MYH10: variants seen among roughly 807,000 people sequenced by gnomAD.
The protein encoded by MYH10 is myosin heavy chain 10.
A neutral mutation model predicts 257.8 loss-of-function variants in MYH10; 55 were observed. The observed-to-expected ratio is 0.21, with a 90% CI of 0.17 to 0.27. The LOEUF is 0.27. Among genes scored for constraint, MYH10 ranks in the 10% least tolerant of loss-of-function variants. The probability of loss-of-function intolerance (pLI) is 1.00; values close to 1 mark genes in which losing one functional copy is unlikely to be tolerated. For synonymous variants in MYH10, 854 were observed against 921.7 expected, an observed-to-expected ratio of 0.93 and a Z score of 1.33; for missense variants, 1,631 against 2,500.6, an observed-to-expected ratio of 0.65 and a Z score of 7.42.
chr17:8,526,486 G>C (rs983664792), intron 17 of MYH10, among the ~76,000 whole-genome samples: 3 of 152,088 alleles, frequency 2.0e-5, no homozygotes, highest in African/African-American at 7.2e-5. Context: ...GATTGCTGGG[G>C]GGCATTTAAA....
rs539908635 is a variant in MYH10, at chr17:8,519,268, T to TC, written c.2274-319_2274-318insG. On this transcript the variant is annotated intron_variant, in intron 19 of 42. Transcript: ENST00000360416. ...ATGTCCCATAAAATGTTCATATCCT[T>TC]AAGACGCAAAAGAGAATCTGGCTTT... 1.1e-4 allele frequency among the ~76,000 whole-genome samples: 17 copies of TC among 152,342 alleles called. No homozygotes were observed. In the East Asian group the frequency reaches 3.3e-3, roughly 29 times the overall value.
At chr17:8,562,052 A>T (rs2083016666) in intron 7 of MYH10, among the ~76,000 whole-genome samples, 3 of 152,246 alleles carry the variant, frequency 2.0e-5, no homozygotes, top group Admixed American at 2.0e-4. Context: ...TATTTTAAAA[A>T]CACTTTAACA....
At chr17:8,546,505 T>C in intron 12 of MYH10, 39 bp downstream of exon 12, 1 of 1,536,688 alleles carries the variant, frequency 6.5e-7, no homozygotes, top group Non-Finnish European at 9.0e-7. Context: ...TGGCTTATCA[T>C]TCAAACAAAT....
rs922624215 is a variant in MYH10 at position 8,577,143 on chromosome 17, T to C, written c.633+93A>G. 7 of 929,838 alleles carry C rather than the reference T, an allele frequency of 7.5e-6. No homozygotes were observed. In the Admixed American group the frequency reaches 8.4e-5, roughly 11 times the overall value. 57.6% of individuals were successfully genotyped at this position (929,838 alleles called of 1,614,324 possible). A position where few individuals can be genotyped will look rare whatever the true frequency, so the allele number is the denominator to read the frequency against. On this transcript the variant is annotated intron_variant, in intron 5 of 42. Transcript: ENST00000360416. ...GTGGAGACAAGGGAGCTGTCAGTTATAGCAGTGTGGAGAGTAGACTGGCTT... is the reference window on the plus strand; with the variant it reads ...GTGGAGACAAGGGAGCTGTCAGTTACAGCAGTGTGGAGAGTAGACTGGCTT...
rs144833332 is a variant in MYH10 at position 8,538,921 on chromosome 17, G to A, written c.1606-2990C>T. On this transcript the variant is annotated intron_variant, in intron 14 of 42. Coordinates refer to ENST00000360416, the MANE Select transcript of MYH10 (RefSeq NM_001256012.3). ...CCGTGTTGAGAGATAAGACCTTTGGGAGGTAACTGGGTCATGGGGCTCTTT... is the reference window on the plus strand; with the variant it reads ...CCGTGTTGAGAGATAAGACCTTTGGAAGGTAACTGGGTCATGGGGCTCTTT... 3.5e-4 allele frequency among the ~76,000 whole-genome samples: 54 copies of A among 152,312 alleles called. No individual in the cohort carries two copies. The East Asian group carries it at 8.9e-3, about 25-fold the overall frequency.
At chr17:8,508,727 T>C (rs753953718) in intron 25 of MYH10, 50 bp from the exon 26 acceptor site, 23 of 1,607,790 alleles carry the variant, frequency 1.4e-5, no homozygotes, top group Non-Finnish European at 1.9e-5. Context: ...GAATGACCAC[T>C]TGGGTTCTGT....
Position 8,566,276 on chromosome 17 carries a change from A to C in MYH10, c.756+3444T>G, listed in dbSNP as rs537413121. ...GGATTCATAGTAGCCATGATAGCCA[A>C]GACCACCTCAATGATCCCCACCTCT... On this transcript the variant is annotated intron_variant, in intron 7 of 42. Transcript: ENST00000360416. 3.4e-4 allele frequency among the ~76,000 whole-genome samples: 52 copies of C among 152,340 alleles called. 2 individuals are homozygous for C. In the South Asian group the frequency reaches 0.01, roughly 30 times the overall value.
Position 8,542,139 on chromosome 17 carries a change from G to A in MYH10, c.1573C>T (p.Leu525=), listed in dbSNP as rs1395686492. The A allele has an allele frequency of 3.7e-6, 6 of 1,614,028 alleles. No homozygotes were observed. Among genetic ancestry groups the A allele is most frequent in the African/African-American group, 1.3e-5 (1 of 74,920 alleles). ...TCTATTAGGTCGATGCATGGCTGCA[G>A]ATCCAGCCCGAAATCGATGAAGTTC... ...EWNFIDFGLD[L]QPCIDLIERP... is the part of the protein sequence containing the mutation. The change falls in exon 14 of 43, where the codon CTG becomes TTG. Residue 525 remains leucine, a synonymous_variant. Coordinates refer to ENST00000360416, the MANE Select transcript of MYH10 (RefSeq NM_001256012.3).
chr17:8,580,434 C>T (rs544625283), intron 4 of MYH10, among the ~76,000 whole-genome samples: 4 of 151,132 alleles, frequency 2.6e-5, no homozygotes, highest in African/African-American at 9.7e-5. Flanking sequence ...ATGTCTTCAT[C>T]CCTGTGTCTC....
intron 2 of MYH10, among the ~76,000 whole-genome samples, chr17:8,618,832 A>G (rs1044352194): frequency 6.6e-6 from 1 of 152,220 alleles, no homozygotes; most frequent in African/African-American, 2.4e-5. Flanking sequence ...ACATGCTGTC[A>G]AGTTCATGGT....
rs933932226 is a variant in MYH10, at chr17:8,551,021, T to A, written c.919+1025A>T. Among the ~76,000 whole-genome samples, 273 of 151,240 alleles carry A rather than the reference T, an allele frequency of 1.8e-3. 1 individual carries two copies. The highest frequency in any genetic ancestry group is 6.3e-3 in the African/African-American group (261 of 41,432). The stretch of plus-strand genomic sequence containing the variant: ...AACACTGCGGAAGGCCGCAGGGTCC[T>A]CTGCCTAGGAAAACCGGAGACCTTT... On this transcript the variant is annotated intron_variant, in intron 9 of 42. Transcript: ENST00000360416.
intron 33 of MYH10, 86 bp downstream of exon 33, chr17:8,492,690 T>G: frequency 4.7e-6 from 7 of 1,494,500 alleles, no homozygotes; most frequent in Non-Finnish European, 6.2e-6. Flanking sequence ...TGTATCACAT[T>G]TAAATGCCTT....
intron 19 of MYH10, among the ~76,000 whole-genome samples, 187 bp downstream of exon 19, chr17:8,520,691 C>CAT (rs1027492511): frequency 5.9e-5 from 9 of 152,140 alleles, no homozygotes; most frequent in Non-Finnish European, 1.0e-4. Flanking sequence ...AGTAGGCACT[C>CAT]AATCTTCCTA....
chr17:8,592,009 C>T (rs1333646666), intron 3 of MYH10, among the ~76,000 whole-genome samples: 1 of 152,184 alleles, frequency 6.6e-6, no homozygotes, highest in African/African-American at 2.4e-5. Flanking sequence ...GATCTTTATA[C>T]TCTAAAACCC....
intron 35 of MYH10, 93 bp from the exon 36 acceptor site, chr17:8,487,687 G>C: frequency 6.9e-7 from 1 of 1,442,380 alleles, no homozygotes; most frequent in South Asian, 1.2e-5. Flanking sequence ...CTGGTTACTC[G>C]GGTGAGTGGA....
intron 30 of MYH10, 84 bp downstream of exon 30, chr17:8,499,186 G>C: frequency 7.3e-7 from 1 of 1,375,928 alleles, no homozygotes; most frequent in Non-Finnish European, 1.0e-6. Flanking sequence ...TTGGCCATGG[G>C]TCTCTTATTG....
chr17:8,600,419 T>C (rs954204496), intron 3 of MYH10, among the ~76,000 whole-genome samples: 1 of 152,194 alleles, frequency 6.6e-6, no homozygotes, highest in African/African-American at 2.4e-5. Context: ...ATCTTCTTGA[T>C]TGGACTACCA....
At position 8,480,029 on chromosome 17, in the gene MYH10, C is replaced by T. The variant is rs2151770674; in HGVS notation, c.5597+81G>A. The T allele has an allele frequency of 2.8e-6, 4 of 1,429,834 alleles. No homozygotes were observed. In the East Asian group the frequency reaches 9.1e-5, roughly 33 times the overall value. 88.6% of individuals were successfully genotyped at this position (1,429,834 alleles called of 1,614,324 possible). On this transcript the variant is annotated intron_variant, in intron 40 of 42. Coordinates refer to ENST00000360416, the MANE Select transcript of MYH10 (RefSeq NM_001256012.3). ...TTCTCTGCCCACGTGGTGGGGAGCC[C>T]CCCCGAAAGGGGCATGCCTGTTTTG... is the stretch of plus-strand genomic sequence containing the variant.
chr17:8,518,815 C>G, intron 20 of MYH10, 24 bp from the exon 21 acceptor site: 1 of 1,603,078 alleles, frequency 6.2e-7, no homozygotes, highest in East Asian at 2.2e-5. Context: ...AGTTTATTTA[C>G]TTTTTTTAAC....
Sources: gnomAD v4.1 joint callset for allele counts (sites outside exome capture counted in the v4.1 genomes callset) on GRCh38, gnomAD v4.1.1 for gene constraint, MANE v1.5 for transcripts, NCBI Gene and HGNC (gene_info 2026-07-23, HGNC 2026-07-21) for gene names.